TBXAS1: variants seen among roughly 807,000 people sequenced by gnomAD.
TBXAS1 encodes the protein thromboxane A synthase 1, also known as thromboxane-A synthase.
A neutral mutation model predicts 60.7 loss-of-function variants in TBXAS1; 48 were observed. The observed-to-expected ratio is 0.79, with a 90% confidence interval of 0.63 to 1.01. The LOEUF (loss-of-function observed/expected upper bound fraction) is 1.01. TBXAS1 is among the 50% of genes least tolerant of loss of function. The pLI, the probability that TBXAS1 is intolerant of heterozygous loss-of-function variation, is 0.00. For synonymous variants in TBXAS1, 287 were observed against 269.7 expected (o/e 1.06, Z -0.63); for missense variants, 685 against 686.3 (o/e 1.00, Z 0.02).
chr7:139,816,380 G>A (rs1798148500), intron 4 of TBXAS1, among the ~76,000 whole-genome samples: 1 of 152,224 alleles, frequency 6.6e-6, no homozygotes, highest in Non-Finnish European at 1.5e-5. Flanking sequence ...AGAATCGAAA[G>A]AGTTGCTGAC....
At chr7:139,809,287 A>G (rs961689615) in intron 4 of TBXAS1, among the ~76,000 whole-genome samples, 4 of 151,162 alleles carry the variant, frequency 2.6e-5, no homozygotes, top group African/African-American at 9.7e-5. Flanking sequence ...TAGGAAATAG[A>G]TAGGTAGATA....
intron 9 of TBXAS1, among the ~76,000 whole-genome samples, chr7:140,006,698 G>A (rs887766044): frequency 6.6e-6 from 1 of 152,118 alleles, no homozygotes; most frequent in African/African-American, 2.4e-5. Flanking sequence ...GGCTCTTTGA[G>A]CCTCAGTTTT....
At chr7:139,990,944 C>T (rs1037525999) in intron 9 of TBXAS1, among the ~76,000 whole-genome samples, 2 of 152,140 alleles carry the variant, frequency 1.3e-5, no homozygotes, top group Non-Finnish European at 2.9e-5. Context: ...CACGGGGGCA[C>T]AGAGGCAGCA....
chr7:139,937,725 G>A (rs115519311), intron 5 of TBXAS1, among the ~76,000 whole-genome samples: 3,752 of 152,200 alleles, frequency 0.025, 132 homozygotes, highest in African/African-American at 0.083. Flanking sequence ...ATTAAGTAGC[G>A]TGCTCCAAGT....
chr7:139,824,836 T>TC (rs1798396459), upstream of TBXAS1, among the ~76,000 whole-genome samples: 1 of 75,508 alleles, frequency 1.3e-5, no homozygotes, highest in Non-Finnish European at 2.4e-5. Context: ...TTTCTTTTTT[T>TC]TTTTTTTTTT....
At chr7:139,783,237 ACAT>A (rs904142125) in intron 3 of TBXAS1, among the ~76,000 whole-genome samples, 3 of 152,172 alleles carry the variant, frequency 2.0e-5, no homozygotes, top group African/African-American at 7.2e-5. Flanking sequence ...GAATAGGGAA[ACAT>A]CATTCATTTT....
In TBXAS1 at chr7:140,016,144, C is replaced by T. The variant is rs372227195; in HGVS notation, c.1364+284C>T. ...GAGATCGAGACCATCCTGGCTAACA[C>T]GGTGAAACCCCATCTCTACTAAAAA... is the stretch of plus-strand genomic sequence containing the variant. On this transcript the variant is annotated intron_variant, in intron 11 of 12. Transcript: ENST00000448866. 3.1e-3 allele frequency among the ~76,000 whole-genome samples: 476 copies of T among 152,002 alleles called. 2 individuals carry two copies. The highest frequency in any genetic ancestry group is 0.028 in the East Asian group (144 of 5,162).
At chr7:139,950,712 G>A (rs1193886419) in intron 5 of TBXAS1, among the ~76,000 whole-genome samples, 452 of 127,872 alleles carry the variant, frequency 3.5e-3, no homozygotes, top group Middle Eastern at 0.024. Flanking sequence ...GGACCCCCTC[G>A]CCCTCCATCT....
intron 9 of TBXAS1, among the ~76,000 whole-genome samples, chr7:139,974,930 G>C (rs1030359199): frequency 1.2e-4 from 18 of 152,310 alleles, no homozygotes; most frequent in African/African-American, 4.3e-4. Context: ...ATTAGTCAGG[G>C]ATCTCCAGAG....
At chr7:139,891,347 C>T (rs957053794) in intron 3 of TBXAS1, among the ~76,000 whole-genome samples, 2 of 151,526 alleles carry the variant, frequency 1.3e-5, no homozygotes, top group Non-Finnish European at 2.9e-5. Context: ...GGATCATGTC[C>T]CTCCAATATA....
intron 4 of TBXAS1, among the ~76,000 whole-genome samples, chr7:139,807,201 C>T (rs746604451): frequency 8.5e-5 from 13 of 152,182 alleles, no homozygotes; most frequent in Non-Finnish European, 1.5e-4. Context: ...CACTTTTCAC[C>T]TCATTGAACT....
At chr7:139,973,383 G>T (rs375505108) in intron 9 of TBXAS1, among the ~76,000 whole-genome samples, 3 of 152,124 alleles carry the variant, frequency 2.0e-5, no homozygotes, top group Non-Finnish European at 4.4e-5. Context: ...ATAGCCAATC[G>T]CTGGGCATCT....
In TBXAS1 at chr7:140,020,077, A is replaced by G. The variant is rs780924927; in HGVS notation, c.1580A>G (p.Tyr527Cys). ...KSALGPKNGV[Y>C]IKIVSR ...GCCCTAGGTCCAAAAAATGGTGTCT[A>G]TATCAAGATCGTATCCCGCTGACAC... is the stretch of plus-strand genomic sequence containing the variant. The change falls in exon 13 of 13, where the codon TAT (tyrosine) becomes TGT (cysteine). Residue 527 changes from tyrosine to cysteine, a missense_variant. Coordinates refer to ENST00000448866, the MANE Select transcript of TBXAS1 (RefSeq NM_001061.7). 5.9e-5 allele frequency: 95 copies of G among 1,613,326 alleles called. 4 individuals carry two copies. Among genetic ancestry groups the G allele is most frequent in the South Asian group, 3.2e-4 (29 of 91,048 alleles).
rs1204557671 is a variant in TBXAS1, at chr7:139,848,347, T to C, written c.89+18868T>C. 2.6e-5 allele frequency among the ~76,000 whole-genome samples: 4 copies of C among 152,016 alleles called. No homozygotes were observed. In the East Asian group the frequency reaches 7.7e-4, roughly 29 times the overall value. On this transcript the variant is annotated intron_variant, in intron 1 of 12. Transcript: ENST00000448866. ...GTCAAAGCTGTCAGTTACGTAGGGGTAGAAAAAAAGTTGTGCATCATTGAT... is the reference window on the plus strand; with the variant it reads ...GTCAAAGCTGTCAGTTACGTAGGGGCAGAAAAAAAGTTGTGCATCATTGAT...
At chr7:139,890,409 G>A (rs1584778168) in intron 3 of TBXAS1, among the ~76,000 whole-genome samples, 1 of 151,940 alleles carries the variant, frequency 6.6e-6, no homozygotes, top group East Asian at 1.9e-4. Flanking sequence ...GAGAGACGGG[G>A]TTTCACCTTG....
At chr7:139,879,216 T>C (rs950490012) in intron 3 of TBXAS1, among the ~76,000 whole-genome samples, 1 of 152,200 alleles carries the variant, frequency 6.6e-6, no homozygotes, top group African/African-American at 2.4e-5. Context: ...ACCACCACCA[T>C]CATCGAGAAC....
chr7:139,816,289 C>G (rs575677883), intron 4 of TBXAS1, among the ~76,000 whole-genome samples: 1 of 152,128 alleles, frequency 6.6e-6, no homozygotes, highest in Admixed American at 6.5e-5. Context: ...GTGTGAAAAT[C>G]GGCTAATACA....
chr7:139,838,565 T>A (rs1799217264), intron 1 of TBXAS1, among the ~76,000 whole-genome samples: 1 of 152,212 alleles, frequency 6.6e-6, no homozygotes, highest in Non-Finnish European at 1.5e-5. Flanking sequence ...TGTTTTTGTA[T>A]CCTTTCTTAT....
chr7:139,941,786 T>C (rs2117233007), intron 5 of TBXAS1, among the ~76,000 whole-genome samples: 1 of 152,362 alleles, frequency 6.6e-6, no homozygotes, highest in Middle Eastern at 3.4e-3. Context: ...AACCCTGGGA[T>C]TGTGTAAAAC....
Sources: allele counts gnomAD v4.1 joint callset (sites outside exome capture counted in the v4.1 genomes callset), GRCh38; gene constraint gnomAD v4.1.1; transcripts MANE v1.5; gene names NCBI Gene and HGNC (gene_info 2026-07-23, HGNC 2026-07-21).